Variants in ASCC3 observed in about 807,000 individuals in gnomAD.
ASCC3 encodes ASC-1 complex subunit P200.
In ASCC3, 158 loss-of-function variants were observed where a neutral mutation model predicts 256.3. The observed-to-expected ratio is 0.62, with a 90% CI of 0.54 to 0.70. The LOEUF (loss-of-function observed/expected upper bound fraction) is 0.70, where lower values mean the gene tolerates loss of function less well. Among genes scored for constraint, ASCC3 ranks in the 30% least tolerant of loss-of-function variants. The probability of loss-of-function intolerance (pLI) is 0.00; values close to 1 mark genes in which losing one functional copy is unlikely to be tolerated. For synonymous variants in ASCC3, 948 were observed against 883.4 expected (o/e 1.07, Z -1.30); for missense variants, 2,259 against 2,626.0 (o/e 0.86, Z 3.05).
chr6:100,560,065 A>G (rs1769846904), intron 36 of ASCC3, among the ~76,000 whole-genome samples: 1 of 152,186 alleles, frequency 6.6e-6, no homozygotes, highest in African/African-American at 2.4e-5. Context: ...GACACCTGTC[A>G]ATCAAATAGC....
intron 13 of ASCC3, among the ~76,000 whole-genome samples, chr6:100,702,542 C>T (rs1332631984): frequency 2.6e-5 from 4 of 151,856 alleles, no homozygotes; most frequent in Non-Finnish European, 1.5e-5. Flanking sequence ...TAAGGTAGTT[C>T]TATAAAGGTC....
intron 3 of ASCC3, among the ~76,000 whole-genome samples, chr6:100,860,290 C>G (rs185471746): frequency 6.6e-6 from 1 of 151,884 alleles, no homozygotes; most frequent in African/African-American, 2.4e-5. Flanking sequence ...TTTGAATACA[C>G]TAAGATTAAG....
chr6:100,624,048 AT>A (rs1774105995), intron 30 of ASCC3, among the ~76,000 whole-genome samples: 1 of 151,914 alleles, frequency 6.6e-6, no homozygotes, highest in Non-Finnish European at 1.5e-5. Context: ...GCACACCAAC[AT>A]GGCACATGTA....
intron 5 of ASCC3, among the ~76,000 whole-genome samples, chr6:100,802,956 C>T (rs1240178990): frequency 6.6e-6 from 1 of 151,884 alleles, no homozygotes; most frequent in African/African-American, 2.4e-5. Flanking sequence ...TGCAGTGATC[C>T]CTGATTGTGC....
At chr6:100,675,442 T>C (rs1040347840) in intron 14 of ASCC3, among the ~76,000 whole-genome samples, 1 of 152,156 alleles carries the variant, frequency 6.6e-6, no homozygotes, top group African/African-American at 2.4e-5. Context: ...ACACCGAAGC[T>C]GCTCATGCAA....
chr6:100,725,613 G>C lies in ASCC3; in HGVS notation c.1828C>G (p.Leu610Val). The C allele has an allele frequency of 6.2e-7, 1 of 1,612,630 alleles. No homozygotes were observed. The highest frequency in any genetic ancestry group is 8.5e-7 in the Non-Finnish European group (1 of 1,179,138). Residue 610 changes from leucine (L) to valine (V), a missense_variant, in exon 11 of 42, where the codon CTT becomes GTT. Coordinates refer to ENST00000369162, the MANE Select transcript of ASCC3 (RefSeq NM_006828.4). ...TCATGCAGCAAATGAACTTCATCAA[G>C]AATAAGGAGCCTTACAATCTGGGAA... ...ALSQIVRLLI[L>V]DEVHLLHEDR... is the part of the protein sequence containing the mutation.
At position 100,651,094 on chromosome 6, in the gene ASCC3, C is replaced by T. The variant is rs1421216615; in HGVS notation, c.3076-380G>A. On this transcript the variant is annotated intron_variant, in intron 19 of 41. Coordinates refer to ENST00000369162, the MANE Select transcript of ASCC3 (RefSeq NM_006828.4). The stretch of plus-strand genomic sequence containing the variant: ...GGGCAACTTGAATTATCTTCAAATG[C>T]ATTCATTATAGTCATATATTTTTAT... Among the ~76,000 whole-genome samples the T allele has an allele frequency of 5.9e-5, 9 of 151,674 alleles. No homozygotes were observed. In the Admixed American group the frequency reaches 5.9e-4, roughly 10 times the overall value.
intron 10 of ASCC3, among the ~76,000 whole-genome samples, chr6:100,751,669 A>ATT (rs1780949783): frequency 6.6e-6 from 1 of 152,074 alleles, no homozygotes; most frequent in Non-Finnish European, 1.5e-5. Flanking sequence ...GCTGCTCAAG[A>ATT]CCGCATTGTA....
chr6:100,753,249 A>G (rs1445889541), intron 10 of ASCC3, among the ~76,000 whole-genome samples: 1 of 151,466 alleles, frequency 6.6e-6, no homozygotes, highest in African/African-American at 2.4e-5. Flanking sequence ...TCTAATTAAT[A>G]TTTTAAATTT....
intron 10 of ASCC3, among the ~76,000 whole-genome samples, chr6:100,764,985 G>A (rs1781583850): frequency 1.3e-5 from 2 of 152,148 alleles, no homozygotes; most frequent in Admixed American, 6.5e-5. Context: ...CTTAAAAAAG[G>A]GGAGTAGGGG....
intron 1 of ASCC3, 90 bp from the exon 2 acceptor site, chr6:100,868,128 G>A (rs1016117572): frequency 2.8e-5 from 20 of 713,664 alleles, no homozygotes; most frequent in African/African-American, 5.4e-5. Flanking sequence ...GAGAAAAAAG[G>A]AAAAAATTGG....
At chr6:100,703,987 T>C (rs1446783229) in intron 13 of ASCC3, among the ~76,000 whole-genome samples, 2 of 151,520 alleles carry the variant, frequency 1.3e-5, no homozygotes, top group African/African-American at 2.4e-5. Flanking sequence ...TTTAAAATTC[T>C]AAGCAAATAC....
At chr6:100,564,609 ACTT>A (rs1046882373) in intron 36 of ASCC3, among the ~76,000 whole-genome samples, 1 of 152,154 alleles carries the variant, frequency 6.6e-6, no homozygotes, top group African/African-American at 2.4e-5. Flanking sequence ...AGCTACAATC[ACTT>A]CTTAGACATA....
In ASCC3 at chr6:100,531,749, C is replaced by T. The variant is rs370667123; in HGVS notation, c.5775+8414G>A. Reference sequence around the variant, plus strand: ...TTCCACAGAACTAGTCTGCGCTTACCTTACCCATGTTTATATATAGTTGTC... The same window carrying T: ...TTCCACAGAACTAGTCTGCGCTTACTTTACCCATGTTTATATATAGTTGTC... On this transcript the variant is annotated intron_variant, in intron 37 of 41. Transcript: ENST00000369162. 7.2e-5 allele frequency among the ~76,000 whole-genome samples: 11 copies of T among 152,188 alleles called. No individual in the cohort carries two copies. The East Asian group carries it at 1.7e-3, about 24-fold the overall frequency.
intron 36 of ASCC3, among the ~76,000 whole-genome samples, chr6:100,588,811 GA>G (rs1771838982): frequency 6.6e-6 from 1 of 151,986 alleles, no homozygotes; most frequent in East Asian, 1.9e-4. Context: ...GGAGAGGAAG[GA>G]AAAAAGTTAC....
chr6:100,616,644 T>C (rs749865653), intron 30 of ASCC3, among the ~76,000 whole-genome samples: 9 of 152,158 alleles, frequency 5.9e-5, no homozygotes, highest in Non-Finnish European at 1.2e-4. Context: ...CTGCTTCAGA[T>C]TTTTTCCCCC....
At chr6:100,878,947 A>G (rs916911901) in intron 1 of ASCC3, among the ~76,000 whole-genome samples, 1 of 152,186 alleles carries the variant, frequency 6.6e-6, no homozygotes, top group African/African-American at 2.4e-5. Context: ...GCCCAATCCC[A>G]CAAGACTGCC....
chr6:100,855,473 A>G (rs982209994), intron 3 of ASCC3, among the ~76,000 whole-genome samples: 1 of 152,242 alleles, frequency 6.6e-6, no homozygotes, highest in African/African-American at 2.4e-5. Context: ...TGAATTACCT[A>G]TTTACACAGC....
intron 39 of ASCC3, among the ~76,000 whole-genome samples, 189 bp downstream of exon 39, chr6:100,515,991 T>G (rs1270698878): frequency 2.0e-5 from 3 of 152,176 alleles, no homozygotes; most frequent in African/African-American, 4.8e-5. Context: ...CATAAGAGTA[T>G]CTTCCTTAAT....
Sources: gnomAD v4.1 joint callset for allele counts (sites outside exome capture counted in the v4.1 genomes callset) on GRCh38, gnomAD v4.1.1 for gene constraint, MANE v1.5 for transcripts, NCBI Gene and HGNC (gene_info 2026-07-23, HGNC 2026-07-21) for gene names.